The following DPH5 variants were observed in gnomAD, a reference collection of about 807,000 sequenced individuals.
DPH5 encodes the protein diphthamide biosynthesis 5.
A neutral mutation model predicts 31.6 loss-of-function variants in DPH5; 31 were observed. The ratio of observed to expected loss-of-function variants is 0.98; its 90% confidence interval spans 0.74 to 1.32. DPH5 has a LOEUF of 1.32. Ranked by LOEUF, DPH5 falls within the 40% of genes most tolerant of loss-of-function variation. The pLI is 0.00. For synonymous variants in DPH5, 120 were observed against 115.0 expected (o/e 1.04, Z -0.28); for missense variants, 309 against 335.7 (o/e 0.92, Z 0.62).
chr1:101,013,920 G>T, intron 3 of DPH5, 102 bp from the exon 4 acceptor site: 3 of 848,490 alleles, frequency 3.5e-6, no homozygotes, highest in Non-Finnish European at 5.3e-6. Context: ...CAGGAGCACT[G>T]CCTTTCTTCA....
At chr1:101,020,547 C>T (rs1476330859) in intron 3 of DPH5, among the ~76,000 whole-genome samples, 1 of 151,548 alleles carries the variant, frequency 6.6e-6, no homozygotes, top group Non-Finnish European at 1.5e-5. Flanking sequence ...CTTTAAACAC[C>T]ATAAACATAC....
chr1:100,995,193 T>C, intron 5 of DPH5, 44 bp from the exon 6 acceptor site: 1 of 1,381,152 alleles, frequency 7.2e-7, no homozygotes, highest in Non-Finnish European at 1.0e-6. Context: ...TTAAAAGCTT[T>C]ATCCAAAACC....
At position 101,025,361 on chromosome 1, in the gene DPH5, C is replaced by A. The variant is rs759682647; in HGVS notation, c.83G>T (p.Arg28Leu). Residue 28 changes from arginine (R) to leucine (L), a missense_variant, in exon 2 of 8, where the codon CGA becomes CTA. Arg to Leu is a moderately radical substitution (Grantham distance 102, BLOSUM62 -2). Transcript: ENST00000370109. ...KGLEVVRRCS[R>L]VYLEAYTSVL... is the part of the protein sequence containing the mutation. ...TGAGGTGTAGGCTTCCAGATACACT[C>A]GACTGCAGCGTCTAACAACTTCCAG... is the stretch of plus-strand genomic sequence containing the variant. 1.2e-6 allele frequency: 2 copies of A among 1,614,214 alleles called. No individual in the cohort carries two copies. Among genetic ancestry groups the A allele is most frequent in the Non-Finnish European group, 1.7e-6 (2 of 1,180,036 alleles).
intron 3 of DPH5, among the ~76,000 whole-genome samples, chr1:101,015,184 A>T (rs1035037181): frequency 2.0e-5 from 3 of 152,204 alleles, no homozygotes; most frequent in African/African-American, 7.2e-5. Context: ...GCCCAGACTC[A>T]TCAGAGAAAT....
chr1:101,013,640 T>C (rs1659854355), intron 4 of DPH5, 70 bp downstream of exon 4: 1 of 1,047,532 alleles, frequency 9.5e-7, no homozygotes, highest in African/African-American at 1.6e-5. Context: ...CAATTAAATG[T>C]ATTTTCAATT....
At chr1:100,998,493 G>A (rs1317040407) in intron 5 of DPH5, among the ~76,000 whole-genome samples, 1 of 138,918 alleles carries the variant, frequency 7.2e-6, no homozygotes, top group African/African-American at 2.7e-5. Context: ...TGGATGACAG[G>A]GTAAACCTTA....
intron 3 of DPH5, among the ~76,000 whole-genome samples, chr1:101,017,879 A>G (rs1186329288): frequency 1.3e-5 from 2 of 152,256 alleles, no homozygotes; most frequent in Non-Finnish European, 2.9e-5. Context: ...CTTCAACAGA[A>G]TCTCACTACT....
intron 3 of DPH5, among the ~76,000 whole-genome samples, chr1:101,019,982 A>T (rs2101292808): frequency 6.6e-6 from 1 of 152,350 alleles, no homozygotes; most frequent in Non-Finnish European, 1.5e-5. Context: ...GAAGAATATT[A>T]CAAAACACTT....
intron 5 of DPH5, among the ~76,000 whole-genome samples, chr1:100,998,812 A>G (rs992909351): frequency 3.3e-5 from 5 of 152,212 alleles, no homozygotes; most frequent in Non-Finnish European, 7.3e-5. Flanking sequence ...GTAAGGTTAT[A>G]ACACATCACT....
intron 6 of DPH5, among the ~76,000 whole-genome samples, chr1:100,993,380 G>A (rs1657961605): frequency 6.6e-6 from 1 of 150,808 alleles, no homozygotes; most frequent in Admixed American, 6.6e-5. Context: ...GTGAAACTCC[G>A]TCTCTACTAA....
intron 4 of DPH5, among the ~76,000 whole-genome samples, chr1:101,007,817 G>A (rs950672856): frequency 2.0e-5 from 3 of 149,812 alleles, no homozygotes; most frequent in Non-Finnish European, 4.4e-5. Flanking sequence ...GAAAAATCTC[G>A]GATTTATTAA....
intron 6 of DPH5, among the ~76,000 whole-genome samples, chr1:100,994,501 G>A (rs1157567194): frequency 2.6e-5 from 4 of 151,032 alleles, no homozygotes; most frequent in African/African-American, 9.7e-5. Flanking sequence ...TTGCCCAAGA[G>A]CACTCAACTA....
At chr1:101,009,961 C>G (rs936605350) in intron 4 of DPH5, among the ~76,000 whole-genome samples, 1 of 152,148 alleles carries the variant, frequency 6.6e-6, no homozygotes, top group Non-Finnish European at 1.5e-5. Context: ...TGATTCATAT[C>G]GAATCTCAAA....
At chr1:101,006,199 C>T (rs910730568) in intron 4 of DPH5, among the ~76,000 whole-genome samples, 12 of 152,122 alleles carry the variant, frequency 7.9e-5, no homozygotes, top group African/African-American at 2.4e-4. Context: ...AAGTCAATTT[C>T]CCAGTCTTGG....
chr1:100,993,728 C>T (rs1025463297), intron 6 of DPH5, among the ~76,000 whole-genome samples: 1 of 150,302 alleles, frequency 6.7e-6, no homozygotes, highest in African/African-American at 2.5e-5. Flanking sequence ...GCCATATTAA[C>T]AAAAAAGTTT....
chr1:101,017,460 G>T (rs139015727), intron 3 of DPH5, among the ~76,000 whole-genome samples: 2 of 152,322 alleles, frequency 1.3e-5, no homozygotes, highest in Non-Finnish European at 2.9e-5. Flanking sequence ...TCTCAAGATT[G>T]TAAGTAGGTA....
At chr1:101,021,817 AACACACACACACAC>A (rs67726104) in intron 2 of DPH5, 52 bp from the exon 3 acceptor site, 249 of 739,100 alleles carry the variant, frequency 3.4e-4, no homozygotes, top group East Asian at 2.1e-3. Context: ...TGACCATTCT[AACACACACACACAC>A]ACACACACAC....
chr1:100,993,559 A>ATATATATAT (rs1657999167), intron 6 of DPH5, among the ~76,000 whole-genome samples: 2 of 56,546 alleles, frequency 3.5e-5, no homozygotes, highest in Non-Finnish European at 6.9e-5. Context: ...CGAAAATATA[A>ATATATATAT]ATATATATAT....
chr1:101,007,092 C>G (rs1315988563), intron 4 of DPH5, among the ~76,000 whole-genome samples: 1 of 152,094 alleles, frequency 6.6e-6, no homozygotes, highest in Non-Finnish European at 1.5e-5. Context: ...AAATTCTATA[C>G]AAAGAAGTAT....
Sources: gnomAD v4.1 joint callset for allele counts (sites outside exome capture counted in the v4.1 genomes callset) on GRCh38, gnomAD v4.1.1 for gene constraint, MANE v1.5 for transcripts, NCBI Gene and HGNC (gene_info 2026-07-23, HGNC 2026-07-21) for gene names.